The following COL6A3 variants were observed in gnomAD, a reference collection of about 807,000 sequenced individuals.
COL6A3 encodes collagen alpha-3(VI) chain.
A neutral mutation model predicts 274.1 loss-of-function variants in COL6A3; 137 were observed. That is an observed-to-expected ratio of 0.50 (90% CI 0.44 to 0.58). COL6A3 has a LOEUF of 0.58. Ranked by LOEUF, COL6A3 falls within the 20% of genes least tolerant of loss-of-function variation. COL6A3 has a pLI of 0.00. For synonymous variants in COL6A3, 1,650 were observed against 1,650.6 expected, an observed-to-expected ratio of 1.00 and a Z score of 0.01; for missense variants, 3,950 against 4,124.9, an observed-to-expected ratio of 0.96 and a Z score of 1.16.
rs1388647678 is a variant in COL6A3 at position 237,333,555 on chromosome 2, A to G, written c.9230-7T>C. 1 of 1,612,262 alleles carries G rather than the reference A, an allele frequency of 6.2e-7. No individual in the cohort carries two copies. Among genetic ancestry groups the G allele is most frequent in the East Asian group, 2.2e-5 (1 of 44,882 alleles). On this transcript the variant is annotated splice_region_variant and splice_polypyrimidine_tract_variant and intron_variant, in intron 41 of 43. Transcript: ENST00000295550. The stretch of plus-strand genomic sequence containing the variant: ...GGTGGGGGCTGAGATTTCTCTATAA[A>G]AGAAAAATATATGCAACTCGTAGGT...
chr2:237,408,373 C>A (rs2078772802), intron 1 of COL6A3, among the ~76,000 whole-genome samples: 1 of 152,172 alleles, frequency 6.6e-6, no homozygotes, highest in Non-Finnish European at 1.5e-5. Context: ...GCCCTGGGCT[C>A]TGATGAATGA....
chr2:237,376,145 A>G (rs946973614), intron 7 of COL6A3, among the ~76,000 whole-genome samples: 4 of 152,120 alleles, frequency 2.6e-5, no homozygotes, highest in East Asian at 1.9e-4. Flanking sequence ...CCAACGGCCA[A>G]TGGGCCCAGT....
chr2:237,387,513 CT>C (rs2078173515), intron 4 of COL6A3, 68 bp downstream of exon 4: 1 of 1,611,064 alleles, frequency 6.2e-7, no homozygotes. Context: ...TGGTACCCAC[CT>C]TACGTCTATG....
At chr2:237,348,312 A>T (rs2106328656) in intron 30 of COL6A3, 37 bp downstream of exon 30, 2 of 1,584,024 alleles carry the variant, frequency 1.3e-6, no homozygotes, top group South Asian at 2.2e-5. Flanking sequence ...GCCATCCCAA[A>T]ATCATGATGA....
chr2:237,328,843 A>C (rs1700083500), intron 42 of COL6A3: 1 of 152,234 alleles, frequency 6.6e-6, no homozygotes, highest in South Asian at 2.1e-4. Flanking sequence ...TTTATGCTGC[A>C]ATCATCAACA....
At position 237,351,996 on chromosome 2, in the gene COL6A3, G is replaced by A. The variant is rs560125856; in HGVS notation, c.6753+526C>T. On this transcript the variant is annotated intron_variant, in intron 26 of 43. Coordinates refer to ENST00000295550, the MANE Select transcript of COL6A3 (RefSeq NM_004369.4). ...GAGGGAAACCCGAATACGTAATTCC[G>A]TGACACCTGATCCTAGCCCAGCAAT... Among the ~76,000 whole-genome samples, 21 of 152,260 alleles carry A rather than the reference G, an allele frequency of 1.4e-4. No individual in the cohort carries two copies. In the South Asian group the frequency reaches 3.7e-3, roughly 27 times the overall value.
chr2:237,389,779 A>G (rs1053311867), intron 3 of COL6A3, among the ~76,000 whole-genome samples: 1 of 152,228 alleles, frequency 6.6e-6, no homozygotes, highest in African/African-American at 2.4e-5. Flanking sequence ...CATTGCTATC[A>G]CAATCCTTCT....
chr2:237,343,270 G>T (rs2077026416), intron 36 of COL6A3: 1 of 151,792 alleles, frequency 6.6e-6, no homozygotes, highest in Admixed American at 6.6e-5. Flanking sequence ...GCCGAGGCAG[G>T]CAGATCACGT....
chr2:237,371,979 T>G lies in COL6A3; in HGVS notation c.4038A>C (p.Gly1346=), dbSNP rs533474023. The change falls in exon 9 of 44, where the codon GGA becomes GGC. Residue 1346 remains glycine (G), a synonymous_variant. Transcript: ENST00000295550. This position sits in a 1 kb window ranked among gnomAD's most constrained non-coding sequence, Gnocchi z 4.3. ...GGTCGTCCACCTCATCGTCAGACTTTCCAGACGAGATGAGGACCAGGAACT... is the reference window on the plus strand; with the variant it reads ...GGTCGTCCACCTCATCGTCAGACTTGCCAGACGAGATGAGGACCAGGAACT... ...VPQFLVLISS[G]KSDDEVDDPA... 1.9e-6 allele frequency: 3 copies of G among 1,614,112 alleles called. No individual in the cohort carries two copies. The African/African-American group carries it at 4.0e-5, about 22-fold the overall frequency.
At chr2:237,326,177 T>C (rs1699930217) in intron 42 of COL6A3, 1 of 161,640 alleles carries the variant, frequency 6.2e-6, no homozygotes, top group Non-Finnish European at 1.4e-5. Context: ...AAAATAAGGC[T>C]CTACCTTTCA....
Position 237,394,911 on chromosome 2 carries a change from G to A in COL6A3, c.385C>T (p.His129Tyr). The change falls in exon 3 of 44, where the codon CAC becomes TAC. Residue 129 changes from histidine (H) to tyrosine (Y), a missense_variant. Around this residue, in one of 5 missense-constraint regions of COL6A3, gnomAD observed 1,934 missense variants for 1,984.3 expected, o/e 0.97. Transcript: ENST00000295550. ...CGGCTTCCAGCAGCCTTGGTGAGGT[G>A]GCTTTGCATTATGTATTCTAATCCT... Reference protein sequence around the residue: ...GKGLEYIMQSHLTKAAGSRAG... With the variant: ...GKGLEYIMQSYLTKAAGSRAG... 6.2e-7 allele frequency: 1 copy of A among 1,612,440 alleles called. No homozygotes were observed. The highest frequency in any genetic ancestry group is 8.5e-7 in the Non-Finnish European group (1 of 1,178,564).
intron 26 of COL6A3, 66 bp from the exon 27 acceptor site, chr2:237,351,258 A>G: frequency 6.7e-7 from 1 of 1,481,814 alleles, no homozygotes; most frequent in Non-Finnish European, 9.4e-7. Flanking sequence ...GGTCTCTGAA[A>G]CCTGACTCTC....
At position 237,365,742 on chromosome 2, in the gene COL6A3, C is replaced by T. The variant is rs113817270; in HGVS notation, c.5794G>A (p.Val1932Ile). The change falls in exon 12 of 44, where the codon GTC (valine) becomes ATC (isoleucine). Residue 1932 changes from valine to isoleucine, a missense_variant. Physicochemically the swap from Val to Ile is conservative, Grantham distance 29. Coordinates refer to ENST00000295550, the MANE Select transcript of COL6A3 (RefSeq NM_004369.4). ...PYVLTEDTLKVYLNKFRQSSP... is the reference protein window; with the variant it reads ...PYVLTEDTLKIYLNKFRQSSP... ...GACTGTCTGAACTTGTTCAGGTAGA[C>T]CTTCAGGGTGTCCTCCGTGAGGACG... 8 of 1,614,196 alleles carry T rather than the reference C, an allele frequency of 5.0e-6. No homozygotes were observed.
intron 43 of COL6A3, among the ~76,000 whole-genome samples, chr2:237,325,038 C>G (rs1699867870): frequency 6.6e-6 from 1 of 152,070 alleles, no homozygotes; most frequent in African/African-American, 2.4e-5. Context: ...AAATCTGATC[C>G]CATTCTTTTG....
chr2:237,367,741 T>G (rs1045475681), intron 10 of COL6A3, among the ~76,000 whole-genome samples: 13 of 152,214 alleles, frequency 8.5e-5, no homozygotes, highest in Admixed American at 8.5e-4. Context: ...AAGGAAGGAC[T>G]AGGAGAAACA....
chr2:237,373,649 C>T lies in COL6A3; in HGVS notation c.3679+763G>A, dbSNP rs146942458. ...TTTTCTCTCCTCTTGGAAGAGCAGG[C>T]AAGTGAGTGCATATGAGGGAGCAAG... On this transcript the variant is annotated intron_variant, in intron 8 of 43. Transcript: ENST00000295550. Among the ~76,000 whole-genome samples, 64 of 152,264 alleles carry T rather than the reference C, an allele frequency of 4.2e-4. No individual in the cohort carries two copies. The South Asian group carries it at 7.9e-3, about 19-fold the overall frequency.
intron 23 of COL6A3, among the ~76,000 whole-genome samples, chr2:237,356,458 C>A (rs1200786800): frequency 6.6e-6 from 1 of 152,196 alleles, no homozygotes; most frequent in African/African-American, 2.4e-5. Flanking sequence ...TGCCCATAGT[C>A]CATCAATTTG....
chr2:237,385,737 G>A (rs561095823), intron 4 of COL6A3, among the ~76,000 whole-genome samples: 4 of 152,266 alleles, frequency 2.6e-5, no homozygotes, highest in East Asian at 3.9e-4. Context: ...GTCACAAAAC[G>A]GCACCATGAT....
chr2:237,347,060 C>A (rs1374753845), intron 31 of COL6A3, among the ~76,000 whole-genome samples: 1 of 151,886 alleles, frequency 6.6e-6, no homozygotes, highest in South Asian at 2.1e-4. Flanking sequence ...CAGATCTAGG[C>A]CACAATTTGC....
Sources: gnomAD v4.1 joint callset for allele counts (sites outside exome capture counted in the v4.1 genomes callset) on GRCh38, gnomAD v4.1.1 for gene constraint, gnomAD v4.1.1 regional missense constraint, Gnocchi (gnomAD v3.1) non-coding constraint, MANE v1.5 for transcripts, NCBI Gene and HGNC (gene_info 2026-07-23, HGNC 2026-07-21) for gene names.